RTF1: variants seen among roughly 807,000 people sequenced by gnomAD.
The protein encoded by RTF1 is RNA polymerase-associated protein RTF1 homolog.
A neutral mutation model predicts 95.7 loss-of-function variants in RTF1; 10 were observed. The observed-to-expected ratio is 0.10, with a 90% CI of 0.06 to 0.18. The LOEUF is 0.18. RTF1 is among the 10% of genes least tolerant of loss of function. The pLI is 1.00. For missense variants in RTF1, 458 were observed against 875.6 expected, an observed-to-expected ratio of 0.52 and a Z score of 6.02; for synonymous variants, 305 against 311.8, an observed-to-expected ratio of 0.98 and a Z score of 0.23.
intron 1 of RTF1, among the ~76,000 whole-genome samples, chr15:41,427,145 ATTTT>A (rs1225127893): frequency 2.3e-4 from 18 of 78,126 alleles, no homozygotes; most frequent in East Asian, 9.9e-4. Flanking sequence ...TGGTCTACAA[ATTTT>A]TTTTTTTTTT....
At chr15:41,427,400 C>T (rs1405376868) in intron 1 of RTF1, among the ~76,000 whole-genome samples, 1 of 152,128 alleles carries the variant, frequency 6.6e-6, no homozygotes, top group Non-Finnish European at 1.5e-5. Context: ...ATCCACCCAC[C>T]CTGGCCTCCC....
intron 1 of RTF1, among the ~76,000 whole-genome samples, chr15:41,419,468 C>A (rs569827589): frequency 9.8e-5 from 15 of 152,308 alleles, no homozygotes; most frequent in African/African-American, 3.6e-4. Flanking sequence ...TATACTGTTT[C>A]CACTATACCA....
At chr15:41,449,452 C>T (rs1204272062) in intron 2 of RTF1, among the ~76,000 whole-genome samples, 2 of 151,622 alleles carry the variant, frequency 1.3e-5, no homozygotes, top group Non-Finnish European at 2.9e-5. Flanking sequence ...AGGATGGTGT[C>T]GATCTCCTGA....
At chr15:41,426,472 A>AT (rs745977617) in intron 1 of RTF1, among the ~76,000 whole-genome samples, 1 of 151,366 alleles carries the variant, frequency 6.6e-6, no homozygotes, top group African/African-American at 2.4e-5. Context: ...TGCCTGACTA[A>AT]TTTTTTGTAT....
chr15:41,446,367 G>A (rs184859577), intron 2 of RTF1, among the ~76,000 whole-genome samples: 181 of 151,954 alleles, frequency 1.2e-3, no homozygotes, highest in African/African-American at 4.2e-3. Context: ...TCAGGAGATC[G>A]AGACCATCCT....
intron 1 of RTF1, among the ~76,000 whole-genome samples, chr15:41,424,127 A>G (rs1373960331): frequency 1.3e-5 from 2 of 152,224 alleles, no homozygotes; most frequent in African/African-American, 2.4e-5. Flanking sequence ...AAATGGAAGC[A>G]GTTTCCACCT....
rs561554755 is a variant in RTF1, at chr15:41,472,971, G to A, written c.1203+1622G>A. On this transcript the variant is annotated intron_variant, in intron 8 of 17. Transcript: ENST00000389629. Reference sequence around the variant, plus strand: ...CCGCCTCGGCCTCCCAAAGTGCTGGGATTACAGGCGTGAGCCACCGCACCC... The same window carrying A: ...CCGCCTCGGCCTCCCAAAGTGCTGGAATTACAGGCGTGAGCCACCGCACCC... Among the ~76,000 whole-genome samples, 232 of 152,096 alleles carry A rather than the reference G, an allele frequency of 1.5e-3. 3 individuals are homozygous for A. The highest frequency in any genetic ancestry group is 2.9e-3 in the Non-Finnish European group (196 of 67,982).
intron 1 of RTF1, among the ~76,000 whole-genome samples, chr15:41,426,781 ATGTGTGTG>A (rs58073154): frequency 3.5e-3 from 278 of 78,456 alleles, no homozygotes; most frequent in Middle Eastern, 0.013. Flanking sequence ...CTACATATAT[ATGTGTGTG>A]TGTGTGTGTG....
At chr15:41,432,406 C>G (rs2050679570) in intron 1 of RTF1, among the ~76,000 whole-genome samples, 1 of 151,056 alleles carries the variant, frequency 6.6e-6, no homozygotes, top group Admixed American at 6.6e-5. Context: ...ACTGTGTTAG[C>G]CAGGTTGGTC....
intron 1 of RTF1, among the ~76,000 whole-genome samples, chr15:41,420,111 G>A (rs192425092): frequency 1.3e-5 from 2 of 152,232 alleles, no homozygotes; most frequent in South Asian, 2.1e-4. Flanking sequence ...ATGAGCCACC[G>A]TGCTTGGCCG....
intron 4 of RTF1, among the ~76,000 whole-genome samples, chr15:41,461,270 C>T (rs1317722378): frequency 1.3e-5 from 2 of 151,274 alleles, no homozygotes; most frequent in African/African-American, 4.9e-5. Context: ...CTCCATCCAC[C>T]TCCTGACCTG....
intron 3 of RTF1, among the ~76,000 whole-genome samples, chr15:41,453,597 T>C (rs2050798662): frequency 6.6e-6 from 1 of 151,844 alleles, no homozygotes; most frequent in Non-Finnish European, 1.5e-5. Context: ...TGTTATGGTA[T>C]GCACCTGAGG....
chr15:41,462,920 A>G (rs2050858651), intron 4 of RTF1, among the ~76,000 whole-genome samples: 1 of 152,018 alleles, frequency 6.6e-6, no homozygotes, highest in African/African-American at 2.4e-5. Context: ...CACCTGGCCA[A>G]TTTTTTAAAC....
At chr15:41,478,411 A>T (rs1423908025) in intron 14 of RTF1, 137 bp from the exon 15 acceptor site, 53 of 178,552 alleles carry the variant, frequency 3.0e-4, no homozygotes, top group South Asian at 2.8e-3. Context: ...AAAAAAAATT[A>T]AAAAAAAAAA....
At position 41,426,781 on chromosome 15, in the gene RTF1, A is replaced by ATGTGTGTGTGTG. The variant is rs58073154; in HGVS notation, c.198+9502_198+9513dup. Among the ~76,000 whole-genome samples the ATGTGTGTGTGTG allele has an allele frequency of 2.2e-3, 176 of 78,450 alleles. 2 individuals carry two copies. Among genetic ancestry groups the ATGTGTGTGTGTG allele is most frequent in the Middle Eastern group, 6.7e-3 (1 of 150 alleles). The allele number at this position is 78,450 out of a possible 152,430, so 51.5% of individuals were successfully genotyped here. A position where few individuals can be genotyped will look rare whatever the true frequency, so the allele number is the denominator to read the frequency against. On this transcript the variant is annotated intron_variant, in intron 1 of 17. Coordinates refer to ENST00000389629, the MANE Select transcript of RTF1 (RefSeq NM_015138.5). ...TACTGTGCCCAGCCGCTACATATATATGTGTGTGTGTGTGTGTGTGTGTGT... is the reference window on the plus strand; with the variant it reads ...TACTGTGCCCAGCCGCTACATATATATGTGTGTGTGTGTGTGTGTGTGTGTGTGTGTGTGTGT...
At chr15:41,419,000 G>A (rs912198244) in intron 1 of RTF1, among the ~76,000 whole-genome samples, 5 of 152,084 alleles carry the variant, frequency 3.3e-5, no homozygotes, top group African/African-American at 1.2e-4. Context: ...AAAGAAGACT[G>A]CTTTGAAAAT....
intron 1 of RTF1, among the ~76,000 whole-genome samples, chr15:41,424,278 C>T (rs2050617800): frequency 6.6e-6 from 1 of 152,106 alleles, no homozygotes; most frequent in Non-Finnish European, 1.5e-5. Context: ...CTATTCTAGC[C>T]TGATGAGAGT....
chr15:41,418,144 A>G (rs1043372812), intron 1 of RTF1, among the ~76,000 whole-genome samples: 2 of 152,162 alleles, frequency 1.3e-5, no homozygotes, highest in Non-Finnish European at 2.9e-5. Context: ...TACTCTAGAA[A>G]ACATTGTAGG....
At chr15:41,474,282 A>G (rs903660022) in intron 8 of RTF1, among the ~76,000 whole-genome samples, 3 of 152,194 alleles carry the variant, frequency 2.0e-5, no homozygotes, top group African/African-American at 7.2e-5. Context: ...GGCAACAGAA[A>G]CTGACCTACA....
Sources: gnomAD v4.1 joint callset for allele counts (sites outside exome capture counted in the v4.1 genomes callset) on GRCh38, gnomAD v4.1.1 for gene constraint, MANE v1.5 for transcripts, NCBI Gene and HGNC (gene_info 2026-07-23, HGNC 2026-07-21) for gene names.